The following CACNG7 variants were observed in gnomAD, a reference collection of about 807,000 sequenced individuals.
The protein encoded by CACNG7 is calcium voltage-gated channel auxiliary subunit gamma 7.
A neutral mutation model predicts 26.3 loss-of-function variants in CACNG7; 9 were observed. The observed-to-expected ratio is 0.34, with a 90% CI of 0.21 to 0.60. The LOEUF (loss-of-function observed/expected upper bound fraction) is 0.60. CACNG7 is among the 20% of genes least tolerant of loss of function. The probability of loss-of-function intolerance (pLI) is 0.81; values close to 1 mark genes in which losing one functional copy is unlikely to be tolerated. For missense variants in CACNG7, 297 were observed against 380.4 expected, an observed-to-expected ratio of 0.78 and a Z score of 1.82; for synonymous variants, 170 against 157.0, an observed-to-expected ratio of 1.08 and a Z score of -0.62.
At position 53,942,402 on chromosome 19, in the gene CACNG7, A is replaced by G. The variant is rs1447602174; in HGVS notation, c.*109A>G. The G allele has an allele frequency of 4.6e-6, 7 of 1,510,272 alleles. No homozygotes were observed. Among genetic ancestry groups the G allele is most frequent in the African/African-American group, 1.4e-5 (1 of 72,278 alleles). The allele number at this position is 1,510,272 out of a possible 1,614,324, so 93.6% of individuals were successfully genotyped here. On this transcript the variant is annotated 3_prime_UTR_variant, in exon 6 of 6. Transcript: ENST00000391767. This position sits in a 1 kb window ranked among gnomAD's most constrained non-coding sequence, Gnocchi z 5.9. The stretch of plus-strand genomic sequence containing the variant: ...CTCGGGACTCCTCGCTCCCACCCGG[A>G]GGAGGCTGCGCCAGCTTTAGGCCCC...
rs2068847014 is a variant in CACNG7 at position 53,909,310 on chromosome 19, C to T, written c.-237C>T. 6.6e-6 allele frequency: 1 copy of T among 150,484 alleles called. No homozygotes were observed. Among genetic ancestry groups the T allele is most frequent in the African/African-American group, 2.4e-5 (1 of 41,292 alleles). The allele number at this position is 150,484 out of a possible 1,614,324, so 9.3% of individuals were successfully genotyped here. ...AATGAGCGGCCGCCGGTTCCTGCTCCCGGCTCCGTCCGCCGAGTGAGGCCG... is the reference window on the plus strand; with the variant it reads ...AATGAGCGGCCGCCGGTTCCTGCTCTCGGCTCCGTCCGCCGAGTGAGGCCG... On this transcript the variant is annotated 5_prime_UTR_variant, in exon 1 of 6. Transcript: ENST00000391767. The surrounding 1 kb of genome is among the most constrained non-coding windows in gnomAD (Gnocchi z 5.1).
chr19:53,942,531 T>C lies in CACNG7; in HGVS notation c.*238T>C. The C allele has an allele frequency of 7.2e-7, 1 of 1,384,604 alleles. No individual in the cohort carries two copies. 85.8% of individuals were successfully genotyped at this position (1,384,604 alleles called of 1,614,324 possible). On this transcript the variant is annotated 3_prime_UTR_variant, in exon 6 of 6. Transcript: ENST00000391767. The surrounding 1 kb of genome is among the most constrained non-coding windows in gnomAD (Gnocchi z 5.9). ...TTGGTCCCTCTCACTCCCAAATGAC[T>C]CCTCCCCTTCGTTGGCCCGCCCCTT... is the stretch of plus-strand genomic sequence containing the variant.
At chr19:53,922,695 GT>G (rs67581202) in intron 4 of CACNG7, among the ~76,000 whole-genome samples, 2 of 72,938 alleles carry the variant, frequency 2.7e-5, no homozygotes, top group Middle Eastern at 6.6e-3. Flanking sequence ...GTTGCCCCAG[GT>G]CTGGTCATTG....
At position 53,912,993 on chromosome 19, in the gene CACNG7, G is replaced by A. The variant is rs2068870562; in HGVS notation, c.162G>A (p.Leu54=). The A allele has an allele frequency of 6.2e-7, 1 of 1,613,026 alleles. No homozygotes were observed. The highest frequency in any genetic ancestry group is 1.3e-5 in the African/African-American group (1 of 75,020). ...AGACCACCGAGGTCAAGATGGCCCT[G>A]CACGCCGGCCTCTGGCGAGTCTGCT... is the stretch of plus-strand genomic sequence containing the variant. ...QNQTTEVKMA[L]HAGLWRVCFF... Residue 54 remains leucine, a synonymous_variant, in exon 2 of 6, where the codon CTG becomes CTA. Transcript: ENST00000391767. The surrounding 1 kb of genome is among the most constrained non-coding windows in gnomAD (Gnocchi z 4.6).
At chr19:53,910,609 G>A (rs1256375157) in intron 1 of CACNG7, among the ~76,000 whole-genome samples, 1 of 152,124 alleles carries the variant, frequency 6.6e-6, no homozygotes, top group Non-Finnish European at 1.5e-5. Context: ...GTTGATAAAG[G>A]CTAAGGGTCC....
In CACNG7 at chr19:53,909,943, C is replaced by G. The variant is rs2068852254; in HGVS notation, c.-30+426C>G. On this transcript the variant is annotated intron_variant, in intron 1 of 5. Transcript: ENST00000391767. This position sits in a 1 kb window ranked among gnomAD's most constrained non-coding sequence, Gnocchi z 5.1. ...GGCTTAAGACTTGCAGAAGGGGACC[C>G]CGGAGATTCAAATGCCTGAATCCGG... Among the ~76,000 whole-genome samples the G allele has an allele frequency of 6.6e-6, 1 of 151,842 alleles. No individual in the cohort carries two copies.
rs142113243 is a variant in CACNG7 at position 53,939,464 on chromosome 19, CCACTAAT to C, written c.425-2004_425-1998del. On this transcript the variant is annotated intron_variant, in intron 4 of 5. Coordinates refer to ENST00000391767, the MANE Select transcript of CACNG7 (RefSeq NM_031896.5). This position sits in a 1 kb window ranked among gnomAD's most constrained non-coding sequence, Gnocchi z 4.2. The stretch of plus-strand genomic sequence containing the variant: ...CCCCCTCCATCCTATTCCCTGGCAA[CCACTAAT>C]CTACTTTCTGTCTCTGTGGATTTGC... Among the ~76,000 whole-genome samples the C allele has an allele frequency of 5.3e-4, 80 of 152,236 alleles. No homozygotes were observed. In the East Asian group the frequency reaches 0.014, roughly 27 times the overall value.
intron 4 of CACNG7, among the ~76,000 whole-genome samples, chr19:53,920,987 A>ACTT (rs1568773843): frequency 8.7e-5 from 6 of 68,952 alleles, no homozygotes; most frequent in Middle Eastern, 0.012. Context: ...TCATTGGTGG[A>ACTT]GTTGCCCCAG....
intron 4 of CACNG7, among the ~76,000 whole-genome samples, chr19:53,921,614 T>C (rs74187821): frequency 8.1e-5 from 6 of 73,842 alleles, no homozygotes; most frequent in South Asian, 4.6e-4. Flanking sequence ...CGTCCCCAGG[T>C]CTGGTCATTG....
At chr19:53,917,021 C>T (rs954065956) in intron 4 of CACNG7, among the ~76,000 whole-genome samples, 10 of 152,142 alleles carry the variant, frequency 6.6e-5, no homozygotes, top group African/African-American at 1.2e-4. Flanking sequence ...TGGTCTTGAA[C>T]TCCTGGCCTC....
intron 4 of CACNG7, among the ~76,000 whole-genome samples, chr19:53,936,445 G>A (rs1178787591): frequency 6.6e-6 from 1 of 152,152 alleles, no homozygotes; most frequent in Non-Finnish European, 1.5e-5. Flanking sequence ...ACTCTTGCCT[G>A]AATCTAACAT....
In CACNG7 at chr19:53,942,348, C is replaced by T; in HGVS notation, c.*55C>T. The T allele has an allele frequency of 3.9e-6, 6 of 1,552,236 alleles. No individual in the cohort carries two copies. Among genetic ancestry groups the T allele is most frequent in the Non-Finnish European group, 4.3e-6 (5 of 1,151,410 alleles). On this transcript the variant is annotated 3_prime_UTR_variant, in exon 6 of 6. Transcript: ENST00000391767. The surrounding 1 kb of genome is among the most constrained non-coding windows in gnomAD (Gnocchi z 5.9). ...CTCCTCCTCCTCGTCTTAGGGGGGT[C>T]TCCCTGCAATGCAGCGCCCCCTTCC...
intron 4 of CACNG7, among the ~76,000 whole-genome samples, chr19:53,920,984 T>G (rs1419898990): frequency 4.0e-5 from 3 of 75,750 alleles, no homozygotes; most frequent in African/African-American, 8.0e-5. Context: ...TGGTCATTGG[T>G]GGAGTTGCCC....
At chr19:53,931,810 G>A (rs2069074660) in intron 4 of CACNG7, among the ~76,000 whole-genome samples, 1 of 124,242 alleles carries the variant, frequency 8.0e-6, no homozygotes, top group South Asian at 2.6e-4. Context: ...CGCCCAGGTT[G>A]GAGTGCAGTG....
At chr19:53,920,405 C>A (rs1393114919) in intron 4 of CACNG7, among the ~76,000 whole-genome samples, 1 of 100,734 alleles carries the variant, frequency 9.9e-6, no homozygotes, top group East Asian at 2.5e-4. Context: ...GGTGGACTTG[C>A]CCCAGGTCTG....
Position 53,909,467 on chromosome 19 carries a change from C to G in CACNG7, c.-80C>G, listed in dbSNP as rs1421305152. The G allele has an allele frequency of 6.6e-6, 1 of 151,212 alleles. No individual in the cohort carries two copies. Among genetic ancestry groups the G allele is most frequent in the East Asian group, 1.9e-4 (1 of 5,136 alleles). 9.4% of individuals were successfully genotyped at this position (151,212 alleles called of 1,614,324 possible). A position where few individuals can be genotyped will look rare whatever the true frequency, so the allele number is the denominator to read the frequency against. Reference sequence around the variant, plus strand: ...GGCCGGGGGAAGCCTCGGGGCCGGTCATGCGGCTGCGGGGCCCGCGGCCCG... The same window carrying G: ...GGCCGGGGGAAGCCTCGGGGCCGGTGATGCGGCTGCGGGGCCCGCGGCCCG... On this transcript the variant is annotated 5_prime_UTR_variant, in exon 1 of 6. Transcript: ENST00000391767. This position sits in a 1 kb window ranked among gnomAD's most constrained non-coding sequence, Gnocchi z 5.1.
At position 53,912,659 on chromosome 19, in the gene CACNG7, T is replaced by C; in HGVS notation, c.-29-144T>C. The C allele has an allele frequency of 1.6e-6, 1 of 632,422 alleles. No individual in the cohort carries two copies. The highest frequency in any genetic ancestry group is 2.0e-5 in the South Asian group (1 of 51,036). 39.2% of individuals were successfully genotyped at this position (632,422 alleles called of 1,614,324 possible). A position where few individuals can be genotyped will look rare whatever the true frequency, so the allele number is the denominator to read the frequency against. On this transcript the variant is annotated intron_variant, in intron 1 of 5. Coordinates refer to ENST00000391767, the MANE Select transcript of CACNG7 (RefSeq NM_031896.5). This position sits in a 1 kb window ranked among gnomAD's most constrained non-coding sequence, Gnocchi z 4.6. Reference sequence around the variant, plus strand: ...TGGTCAGACTCTAGGGTTGGGGTCATGGGTCAGGCCACGGAGGTCAGATCT... The same window carrying C: ...TGGTCAGACTCTAGGGTTGGGGTCACGGGTCAGGCCACGGAGGTCAGATCT...
At chr19:53,921,400 TCTGGTCATTGGTGGAGTTGCCCCAGG>T (rs2068950088) in intron 4 of CACNG7, among the ~76,000 whole-genome samples, 17 of 123,770 alleles carry the variant, frequency 1.4e-4, no homozygotes, top group Non-Finnish European at 1.7e-4. Context: ...TTGCCCCAGG[TCTGGTCATTGGTGGAGTTGCCCCAGG>T]CTGGTCATTG....
At chr19:53,933,280 G>A (rs893439018) in intron 4 of CACNG7, among the ~76,000 whole-genome samples, 6 of 146,208 alleles carry the variant, frequency 4.1e-5, no homozygotes, top group African/African-American at 1.0e-4. Context: ...ACAGGTGCCC[G>A]CCACCACGCC....
Sources: allele counts gnomAD v4.1 joint callset (sites outside exome capture counted in the v4.1 genomes callset), GRCh38; gene constraint gnomAD v4.1.1; non-coding constraint Gnocchi (gnomAD v3.1); transcripts MANE v1.5; gene names NCBI Gene and HGNC (gene_info 2026-07-23, HGNC 2026-07-21).